The following ATXN7L1 variants were observed in gnomAD, a reference collection of about 807,000 sequenced individuals.
The protein encoded by ATXN7L1 is ataxin-7-like protein 1.
Under a neutral mutation model 70.8 loss-of-function variants are expected in ATXN7L1, and 15 were observed. The ratio of observed to expected loss-of-function variants is 0.21; its 90% CI spans 0.14 to 0.33. ATXN7L1 has a LOEUF of 0.33. Ranked by LOEUF, ATXN7L1 falls within the 10% of genes least tolerant of loss-of-function variation. ATXN7L1 has a pLI of 1.00. For missense variants in ATXN7L1, 975 were observed against 1,097.1 expected (o/e 0.89, Z 1.57); for synonymous variants, 440 against 445.1 (o/e 0.99, Z 0.14).
At chr7:105,733,484 A>C (rs1796805742) in intron 3 of ATXN7L1, among the ~76,000 whole-genome samples, 2 of 150,608 alleles carry the variant, frequency 1.3e-5, no homozygotes, top group Non-Finnish European at 3.0e-5. Context: ...CAGGAGGTCC[A>C]TCCATCCACC....
At chr7:105,854,005 C>T (rs540311865) in intron 2 of ATXN7L1, among the ~76,000 whole-genome samples, 54 of 152,152 alleles carry the variant, frequency 3.5e-4, no homozygotes, top group Non-Finnish European at 7.1e-4. Flanking sequence ...TAAGCACCGA[C>T]TGGCTGAAAG....
At chr7:105,630,023 GGC>G (rs995048351) in intron 7 of ATXN7L1, among the ~76,000 whole-genome samples, 1 of 150,396 alleles carries the variant, frequency 6.6e-6, no homozygotes, top group African/African-American at 2.5e-5. Flanking sequence ...TCACCATGTT[GGC>G]CAGGCTAGTC....
chr7:105,730,884 T>C lies in ATXN7L1; in HGVS notation c.355+57720A>G, dbSNP rs536266106. ...ACTTCGGTTAATAATAATGTGTTAA[T>C]ATTGGTTCAAGAATTGTAGCAGATG... On this transcript the variant is annotated intron_variant, in intron 3 of 11. Coordinates refer to ENST00000419735, the MANE Select transcript of ATXN7L1 (RefSeq NM_020725.2). Among the ~76,000 whole-genome samples, 5 of 152,304 alleles carry C rather than the reference T, an allele frequency of 3.3e-5. No homozygotes were observed. The South Asian group carries it at 1.0e-3, about 32-fold the overall frequency.
At chr7:105,761,522 GA>G in intron 3 of ATXN7L1, 1 of 1,590,932 alleles carries the variant, frequency 6.3e-7, no homozygotes. Flanking sequence ...GGCTCCTTTG[GA>G]AATTATATTT....
intron 2 of ATXN7L1, among the ~76,000 whole-genome samples, chr7:105,798,257 T>C (rs143169656): frequency 9.8e-5 from 15 of 152,338 alleles, no homozygotes; most frequent in Non-Finnish European, 1.5e-4. Context: ...ACAGCTACTC[T>C]GCACTCAACA....
intron 3 of ATXN7L1, among the ~76,000 whole-genome samples, chr7:105,706,598 C>T (rs1205863365): frequency 6.6e-6 from 1 of 152,200 alleles, no homozygotes; most frequent in East Asian, 1.9e-4. Flanking sequence ...AACAACAAAC[C>T]TCTGGAAAGA....
intron 7 of ATXN7L1, among the ~76,000 whole-genome samples, chr7:105,628,270 G>GTAAC (rs1052527975): frequency 1.3e-5 from 2 of 152,080 alleles, no homozygotes; most frequent in African/African-American, 4.8e-5. Context: ...ATATTAATAA[G>GTAAC]TAACTGTTAA....
chr7:105,828,101 C>CA (rs148616445), intron 2 of ATXN7L1, among the ~76,000 whole-genome samples: 2,570 of 151,330 alleles, frequency 0.017, 105 homozygotes, highest in East Asian at 0.16. Flanking sequence ...AACCAAGGCA[C>CA]AAAAAAAAAT....
chr7:105,851,164 C>T (rs1814820490), intron 2 of ATXN7L1, among the ~76,000 whole-genome samples: 2 of 152,084 alleles, frequency 1.3e-5, no homozygotes, highest in Non-Finnish European at 2.9e-5. Context: ...TTTTTCTGAC[C>T]ATCTATAGGA....
Position 105,615,551 on chromosome 7 carries a change from T to C in ATXN7L1, c.1518-735A>G, listed in dbSNP as rs148313678. 1.9e-3 allele frequency among the ~76,000 whole-genome samples: 295 copies of C among 152,268 alleles called. 1 individual carries two copies. The highest frequency in any genetic ancestry group is 6.7e-3 in the African/African-American group (277 of 41,548). ...AAGTTGCCCATTCCCAGGACTAGCT[T>C]TGTTTTTTCCTATTCAGCCCATTCT... On this transcript the variant is annotated intron_variant, in intron 9 of 11. Transcript: ENST00000419735.
intron 3 of ATXN7L1, chr7:105,679,101 CTGGGCAACGCGACTCG>C (rs1267219547): frequency 3.0e-6 from 3 of 986,004 alleles, no homozygotes; most frequent in Non-Finnish European, 3.6e-6. Context: ...CTGACACACG[CTGGGCAACGCGACTCG>C]TGGTAGTAGA....
At chr7:105,853,425 G>T (rs1183210740) in intron 2 of ATXN7L1, among the ~76,000 whole-genome samples, 2 of 152,100 alleles carry the variant, frequency 1.3e-5, no homozygotes, top group Non-Finnish European at 1.5e-5. Context: ...GTGGTGGCAG[G>T]TGCCTATAAT....
At chr7:105,862,641 A>T (rs548935633) in intron 2 of ATXN7L1, among the ~76,000 whole-genome samples, 1 of 152,268 alleles carries the variant, frequency 6.6e-6, no homozygotes, top group Non-Finnish European at 1.5e-5. Flanking sequence ...AGAGGAGGTG[A>T]TTAATTAGGA....
chr7:105,739,545 T>C (rs981955579), intron 3 of ATXN7L1, among the ~76,000 whole-genome samples: 1 of 152,092 alleles, frequency 6.6e-6, no homozygotes, highest in Non-Finnish European at 1.5e-5. Context: ...TGCTCTTCTC[T>C]AGAAACTGGT....
At chr7:105,669,258 T>C (rs376737102) in intron 3 of ATXN7L1, among the ~76,000 whole-genome samples, 2 of 152,044 alleles carry the variant, frequency 1.3e-5, no homozygotes, top group South Asian at 4.2e-4. Context: ...ATTTTTGTAT[T>C]TTTAGTAGAG....
chr7:105,632,325 G>C (rs1340038689), intron 7 of ATXN7L1, among the ~76,000 whole-genome samples: 1 of 152,174 alleles, frequency 6.6e-6, no homozygotes, highest in African/African-American at 2.4e-5. Flanking sequence ...TAAACAACCA[G>C]ATAAAGAGAA....
chr7:105,737,067 T>C (rs990800622), intron 3 of ATXN7L1, among the ~76,000 whole-genome samples: 2 of 152,200 alleles, frequency 1.3e-5, no homozygotes, highest in African/African-American at 4.8e-5. Context: ...ATGAGGACTT[T>C]TAAAAAAGGG....
intron 3 of ATXN7L1, among the ~76,000 whole-genome samples, chr7:105,706,953 T>C (rs1793256695): frequency 6.6e-6 from 1 of 152,254 alleles, no homozygotes; most frequent in East Asian, 1.9e-4. Context: ...GTTTTCTTTG[T>C]GCTTTTATCA....
intron 7 of ATXN7L1, among the ~76,000 whole-genome samples, chr7:105,628,948 TTTTC>T (rs1562920433): frequency 1.2e-4 from 1 of 8,436 alleles, no homozygotes. Context: ...GGTTTTTTTT[TTTTC>T]CCATGGTGAG....
Sources: allele counts gnomAD v4.1 joint callset (sites outside exome capture counted in the v4.1 genomes callset), GRCh38; gene constraint gnomAD v4.1.1; transcripts MANE v1.5; gene names NCBI Gene and HGNC (gene_info 2026-07-23, HGNC 2026-07-21).